CSNK2A2IP: variants seen among roughly 807,000 people sequenced by gnomAD.
The protein encoded by CSNK2A2IP is casein kinase II subunit alpha'-interacting protein.
chr3:88,464,875 A>T, the CSNK2A2IP span, among the ~76,000 whole-genome samples: 1 of 152,178 alleles, frequency 6.6e-6, no homozygotes, highest in Non-Finnish European at 1.5e-5. Flanking sequence ...CAATAAGTTA[A>T]ATATCATATT....
chr3:88,398,886 G>A, the CSNK2A2IP span, among the ~76,000 whole-genome samples: 2 of 151,988 alleles, frequency 1.3e-5, no homozygotes, highest in African/African-American at 2.4e-5. Flanking sequence ...ACAGTCTCTT[G>A]CACATATTAA....
the CSNK2A2IP span, among the ~76,000 whole-genome samples, chr3:88,438,976 C>T: frequency 6.6e-6 from 1 of 152,170 alleles, no homozygotes; most frequent in African/African-American, 2.4e-5. Context: ...GTCTCACCTA[C>T]TTTGCATTCC....
At chr3:88,459,477 A>G in the CSNK2A2IP span, among the ~76,000 whole-genome samples, 1 of 152,064 alleles carries the variant, frequency 6.6e-6, no homozygotes, top group Non-Finnish European at 1.5e-5. Context: ...TTTTAATAAT[A>G]TAATATGCAT....
the CSNK2A2IP span, among the ~76,000 whole-genome samples, chr3:88,447,621 A>G: frequency 1.3e-5 from 2 of 152,278 alleles, no homozygotes; most frequent in South Asian, 2.1e-4. Context: ...TATTTCATTC[A>G]ATAAAGAAAA....
the CSNK2A2IP span, among the ~76,000 whole-genome samples, chr3:88,338,973 TG>T: frequency 6.6e-6 from 1 of 152,160 alleles, no homozygotes; most frequent in Non-Finnish European, 1.5e-5. Context: ...GTACATGTGA[TG>T]TTTAGATGCA....
chr3:88,361,280 T>G, the CSNK2A2IP span, among the ~76,000 whole-genome samples: 1 of 152,220 alleles, frequency 6.6e-6, no homozygotes, highest in Non-Finnish European at 1.5e-5. Context: ...CTTTTAGCAT[T>G]TCTTGTAAGA....
chr3:88,366,072 G>T, the CSNK2A2IP span, among the ~76,000 whole-genome samples: 1 of 148,330 alleles, frequency 6.7e-6, no homozygotes, highest in Non-Finnish European at 1.5e-5. Context: ...CTGTCCAAAC[G>T]TTACTGCATT....
the CSNK2A2IP span, among the ~76,000 whole-genome samples, chr3:88,389,080 G>A: frequency 6.6e-6 from 1 of 151,962 alleles, no homozygotes; most frequent in African/African-American, 2.4e-5. Context: ...GATACACAAT[G>A]AAATAAATAA....
At chr3:88,418,360 A>G in the CSNK2A2IP span, among the ~76,000 whole-genome samples, 1 of 152,108 alleles carries the variant, frequency 6.6e-6, no homozygotes, top group East Asian at 1.9e-4. Context: ...CTCTCCACAC[A>G]AGAGTAATTT....
the CSNK2A2IP span, among the ~76,000 whole-genome samples, chr3:88,445,589 C>T: frequency 1.3e-5 from 2 of 152,096 alleles, no homozygotes; most frequent in African/African-American, 2.4e-5. Context: ...GACAGAGTCT[C>T]ACTCTGTCAT....
chr3:88,435,181 T>G, the CSNK2A2IP span, among the ~76,000 whole-genome samples: 2 of 152,264 alleles, frequency 1.3e-5, no homozygotes, highest in East Asian at 1.9e-4. Context: ...ATTCCCCATA[T>G]TGTTGAAGTA....
the CSNK2A2IP span, among the ~76,000 whole-genome samples, chr3:88,427,977 G>A: frequency 6.6e-5 from 10 of 152,100 alleles, no homozygotes; most frequent in African/African-American, 1.4e-4. Context: ...TGCACCATGC[G>A]CCTGGAAAAG....
the CSNK2A2IP span, among the ~76,000 whole-genome samples, chr3:88,421,733 T>A: frequency 3.3e-5 from 5 of 152,174 alleles, no homozygotes; most frequent in East Asian, 9.7e-4. Context: ...TATTTTAAAA[T>A]TATTTTTATT....
the CSNK2A2IP span, among the ~76,000 whole-genome samples, chr3:88,402,359 G>T: frequency 6.6e-6 from 1 of 152,120 alleles, no homozygotes; most frequent in African/African-American, 2.4e-5. Context: ...GAGCAATTTG[G>T]CAATATCTAC....
the CSNK2A2IP span, among the ~76,000 whole-genome samples, chr3:88,441,083 C>T: frequency 3.9e-5 from 6 of 152,148 alleles, no homozygotes; most frequent in South Asian, 4.1e-4. Context: ...CTAGGTGTTG[C>T]CTGGAGAAGT....
At chr3:88,393,552 G>A in the CSNK2A2IP span, among the ~76,000 whole-genome samples, 1 of 152,158 alleles carries the variant, frequency 6.6e-6, no homozygotes, top group African/African-American at 2.4e-5. Flanking sequence ...TATGTACTTA[G>A]GGTAATGGTG....
the CSNK2A2IP span, chr3:88,465,873 A>G: frequency 8.1e-7 from 1 of 1,231,684 alleles, no homozygotes; most frequent in Non-Finnish European, 1.0e-6. Flanking sequence ...GATCACTTTC[A>G]TTGAAGTCTC....
At chr3:88,439,995 C>T in the CSNK2A2IP span, among the ~76,000 whole-genome samples, 1 of 152,098 alleles carries the variant, frequency 6.6e-6, no homozygotes, top group Non-Finnish European at 1.5e-5. Flanking sequence ...GAACTTCATT[C>T]CATTAACTGA....
the CSNK2A2IP span, among the ~76,000 whole-genome samples, chr3:88,455,266 G>T: frequency 6.6e-6 from 1 of 151,828 alleles, no homozygotes; most frequent in Non-Finnish European, 1.5e-5. Flanking sequence ...TGGTATTTCT[G>T]TTCTTAAATT....
Sources: gnomAD v4.1 joint callset for allele counts (sites outside exome capture counted in the v4.1 genomes callset) on GRCh38, gnomAD v4.1.1 for gene constraint, MANE v1.5 for transcripts, NCBI Gene and HGNC (gene_info 2026-07-23, HGNC 2026-07-21) for gene names.